RPRD1A: variants seen among roughly 807,000 people sequenced by gnomAD.
RPRD1A encodes regulation of nuclear pre-mRNA domain containing 1A, also known as regulation of nuclear pre-mRNA domain-containing protein 1A.
Under a neutral mutation model 37.8 loss-of-function variants are expected in RPRD1A, and 9 were observed. The observed-to-expected ratio is 0.24, with a 90% CI of 0.14 to 0.42. The LOEUF (loss-of-function observed/expected upper bound fraction) is 0.42. Among genes scored for constraint, RPRD1A ranks in the 10% least tolerant of loss-of-function variants. RPRD1A has a pLI of 1.00. For synonymous variants in RPRD1A, 138 were observed against 139.7 expected, an observed-to-expected ratio of 0.99 and a Z score of 0.08; for missense variants, 255 against 371.0, an observed-to-expected ratio of 0.69 and a Z score of 2.57.
At chr18:36,001,284 G>C (rs1909401385) in intron 6 of RPRD1A, among the ~76,000 whole-genome samples, 1 of 152,172 alleles carries the variant, frequency 6.6e-6, no homozygotes. Context: ...GCCAGGAGCT[G>C]ATAAGCAGCA....
chr18:36,015,171 TATACACAC>T (rs1377402017), intron 6 of RPRD1A, among the ~76,000 whole-genome samples: 2 of 90,032 alleles, frequency 2.2e-5, no homozygotes, highest in East Asian at 3.3e-4. Context: ...TATACACATA[TATACACAC>T]ACACACACAC....
intron 6 of RPRD1A, among the ~76,000 whole-genome samples, chr18:36,015,197 C>T (rs531530247): frequency 3.4e-5 from 5 of 148,548 alleles, no homozygotes; most frequent in Admixed American, 6.7e-5. Flanking sequence ...CACACACACA[C>T]ACACACATTC....
intron 2 of RPRD1A, among the ~76,000 whole-genome samples, chr18:36,032,829 G>A (rs1256518054): frequency 6.6e-6 from 1 of 152,132 alleles, no homozygotes; most frequent in Non-Finnish European, 1.5e-5. Context: ...AATGAGTTCT[G>A]TATCAGACAC....
At chr18:35,996,149 T>C (rs1297173603) in intron 6 of RPRD1A, among the ~76,000 whole-genome samples, 1 of 152,228 alleles carries the variant, frequency 6.6e-6, no homozygotes, top group South Asian at 2.1e-4. Context: ...TTATGACAAA[T>C]GTATCATACT....
chr18:36,019,171 G>C (rs536740109), intron 6 of RPRD1A, among the ~76,000 whole-genome samples: 1 of 145,062 alleles, frequency 6.9e-6, no homozygotes, highest in Non-Finnish European at 1.5e-5. Flanking sequence ...GCAGTGGCGT[G>C]ATCTTGGCTC....
At chr18:36,029,656 A>G (rs1230540417) in intron 4 of RPRD1A, among the ~76,000 whole-genome samples, 1 of 151,932 alleles carries the variant, frequency 6.6e-6, no homozygotes, top group Admixed American at 6.6e-5. Context: ...TCTTTCTGGA[A>G]TTAATCTGAT....
chr18:36,027,870 C>T (rs946712163), intron 4 of RPRD1A: 3 of 152,076 alleles, frequency 2.0e-5, no homozygotes, highest in Non-Finnish European at 4.4e-5. Context: ...TTCAAGTATC[C>T]TATGGCTTGT....
At chr18:36,019,102 ATT>A (rs946306446) in intron 6 of RPRD1A, among the ~76,000 whole-genome samples, 70 of 118,520 alleles carry the variant, frequency 5.9e-4, no homozygotes, top group African/African-American at 1.8e-3. Context: ...GGGACCATTG[ATT>A]TTTTTTTTTT....
At chr18:36,022,424 G>C (rs1212722274) in intron 6 of RPRD1A, among the ~76,000 whole-genome samples, 1 of 152,184 alleles carries the variant, frequency 6.6e-6, no homozygotes, top group South Asian at 2.1e-4. Context: ...TTCATAGCTA[G>C]AGAGAAATAA....
In RPRD1A at chr18:36,050,392, A is replaced by G. The variant is rs573829191; in HGVS notation, c.152-16555T>C. On this transcript the variant is annotated intron_variant, in intron 1 of 6. Coordinates refer to ENST00000399022, the MANE Select transcript of RPRD1A (RefSeq NM_018170.5). Reference sequence around the variant, plus strand: ...AATGGAAAACTGTGCAATGATTACAAGTACAGTTTGCCTTAATTAATGATT... The same window carrying G: ...AATGGAAAACTGTGCAATGATTACAGGTACAGTTTGCCTTAATTAATGATT... 2.6e-5 allele frequency among the ~76,000 whole-genome samples: 4 copies of G among 152,262 alleles called. No homozygotes were observed. The East Asian group carries it at 5.8e-4, about 22-fold the overall frequency.
chr18:35,999,673 CAT>C (rs908457486), intron 6 of RPRD1A, among the ~76,000 whole-genome samples: 3 of 152,040 alleles, frequency 2.0e-5, no homozygotes, highest in Admixed American at 2.0e-4. Flanking sequence ...CAACCACATC[CAT>C]ATGGGGATCT....
At chr18:36,005,617 C>T (rs1909698943) in intron 6 of RPRD1A, among the ~76,000 whole-genome samples, 1 of 152,188 alleles carries the variant, frequency 6.6e-6, no homozygotes, top group African/African-American at 2.4e-5. Flanking sequence ...GTTAAAGGCA[C>T]TGAATTTTAG....
intron 6 of RPRD1A, among the ~76,000 whole-genome samples, chr18:35,994,246 C>T (rs1388024011): frequency 6.6e-6 from 1 of 152,160 alleles, no homozygotes; most frequent in Non-Finnish European, 1.5e-5. Flanking sequence ...CACGCTCTTT[C>T]CAAATGTGGT....
intron 6 of RPRD1A, among the ~76,000 whole-genome samples, chr18:36,000,185 C>T (rs2144155206): frequency 6.6e-6 from 1 of 152,300 alleles, no homozygotes; most frequent in African/African-American, 2.4e-5. Flanking sequence ...GGTTTGCCCT[C>T]ACCTTCTGGG....
At chr18:36,038,837 T>C (rs1484813232) in intron 1 of RPRD1A, among the ~76,000 whole-genome samples, 1 of 152,222 alleles carries the variant, frequency 6.6e-6, no homozygotes, top group Non-Finnish European at 1.5e-5. Context: ...GCTGCCCTGC[T>C]GGGTTTCGGA....
rs1333212409 is a variant in RPRD1A at position 36,067,421 on chromosome 18, T to A, written c.-17A>T. The A allele has an allele frequency of 6.2e-7, 1 of 1,601,100 alleles. No homozygotes were observed. The highest frequency in any genetic ancestry group is 1.3e-5 in the African/African-American group (1 of 74,632). On this transcript the variant is annotated 5_prime_UTR_variant, in exon 1 of 7. Coordinates refer to ENST00000399022, the MANE Select transcript of RPRD1A (RefSeq NM_018170.5). ...GGCTGACATCCCTCCGACACCACGTTCACGCCGTCCCACGCGGTGGGGCCG... is the reference window on the plus strand; with the variant it reads ...GGCTGACATCCCTCCGACACCACGTACACGCCGTCCCACGCGGTGGGGCCG...
At chr18:35,998,233 C>T (rs764788832) in intron 6 of RPRD1A, among the ~76,000 whole-genome samples, 1 of 152,102 alleles carries the variant, frequency 6.6e-6, no homozygotes, top group Non-Finnish European at 1.5e-5. Context: ...GTGGCGGCAC[C>T]TGTAATCCCA....
chr18:36,031,985 T>C (rs1911825423), intron 2 of RPRD1A, among the ~76,000 whole-genome samples: 1 of 152,240 alleles, frequency 6.6e-6, no homozygotes, highest in African/African-American at 2.4e-5. Context: ...ATATAAGCTA[T>C]CTCATTTTTT....
intron 1 of RPRD1A, among the ~76,000 whole-genome samples, chr18:36,036,343 G>C (rs1449197426): frequency 6.6e-6 from 1 of 152,006 alleles, no homozygotes; most frequent in Non-Finnish European, 1.5e-5. Context: ...CAAAGTGCTG[G>C]GATTACTGGT....
Sources: gnomAD v4.1 joint callset for allele counts (sites outside exome capture counted in the v4.1 genomes callset) on GRCh38, gnomAD v4.1.1 for gene constraint, MANE v1.5 for transcripts, NCBI Gene and HGNC (gene_info 2026-07-23, HGNC 2026-07-21) for gene names.